Variants in TTC23L observed in about 807,000 individuals in gnomAD.
TTC23L encodes the protein tetratricopeptide repeat domain 23 like, also known as tetratricopeptide repeat protein 23-like.
TTC23L carries 42 observed loss-of-function variants against 48.1 expected under a neutral mutation model. The ratio of observed to expected loss-of-function variants is 0.87; its 90% CI spans 0.68 to 1.13. The LOEUF (loss-of-function observed/expected upper bound fraction) is 1.13. Among genes scored for constraint, TTC23L ranks in the 50% most tolerant of loss-of-function variants. TTC23L has a pLI of 0.00. For missense variants in TTC23L, 391 were observed against 421.0 expected, an observed-to-expected ratio of 0.93 and a Z score of 0.62; for synonymous variants, 159 against 157.2, an observed-to-expected ratio of 1.01 and a Z score of -0.09.
At chr5:34,888,582 T>C in intron 9 of TTC23L, 1 of 924,810 alleles carries the variant, frequency 1.1e-6, no homozygotes. Flanking sequence ...AATGTGGATA[T>C]ATGCATGGCA....
At chr5:34,862,067 A>G (rs1030328687) in intron 4 of TTC23L, among the ~76,000 whole-genome samples, 1 of 152,148 alleles carries the variant, frequency 6.6e-6, no homozygotes, top group African/African-American at 2.4e-5. Flanking sequence ...AGGGTTTTGT[A>G]TGTAGCAGAG....
At chr5:34,840,245 G>GGGC (rs1561113646) in intron 1 of TTC23L, among the ~76,000 whole-genome samples, 1 of 143,020 alleles carries the variant, frequency 7.0e-6, no homozygotes, top group African/African-American at 2.6e-5. Context: ...CCCGGGGGGG[G>GGGC]GGGGGAAAGC....
chr5:34,847,013 G>C (rs758021357), intron 3 of TTC23L, among the ~76,000 whole-genome samples: 1 of 152,084 alleles, frequency 6.6e-6, no homozygotes, highest in Non-Finnish European at 1.5e-5. Context: ...ACAGCAAGAC[G>C]TCGACTCTCA....
At chr5:34,870,913 T>A (rs1412379820) in intron 8 of TTC23L, among the ~76,000 whole-genome samples, 1 of 152,202 alleles carries the variant, frequency 6.6e-6, no homozygotes, top group Admixed American at 6.5e-5. Context: ...AGAAAAAGCA[T>A]GTGACAATAT....
exon 5 of TTC23L, chr5:34,862,923 T>C (rs1284144107): frequency 6.2e-7 from 1 of 1,613,850 alleles, no homozygotes; most frequent in East Asian, 2.2e-5. Context: ...CCAAGAAACA[T>C]GCTACATCAG....
chr5:34,902,951 CAAT>C (rs34902386), downstream of TTC23L, among the ~76,000 whole-genome samples: 33,570 of 150,128 alleles, frequency 0.22, 4,417 homozygotes, highest in East Asian at 0.36. Context: ...AGCTCTTCAA[CAAT>C]GACTGACATT....
rs336458 is a variant in TTC23L, at chr5:34,881,997, G to A, written c.1077+1689G>A. Among the ~76,000 whole-genome samples the A allele has an allele frequency of 2.1e-3, 318 of 152,130 alleles. 4 individuals are homozygous for A. The highest frequency in any genetic ancestry group is 7.4e-3 in the African/African-American group (309 of 41,498). On this transcript the variant is annotated intron_variant, in intron 9 of 10. Coordinates refer to ENST00000505624, the Ensembl canonical transcript of TTC23L. The stretch of plus-strand genomic sequence containing the variant: ...TCTCGAACTCCCACCTCAAGTGACC[G>A]CCCGCCTCGGCCTCCCAAAGTGCTA...
downstream of TTC23L, among the ~76,000 whole-genome samples, chr5:34,901,443 C>G (rs991277716): frequency 7.2e-5 from 11 of 152,152 alleles, no homozygotes; most frequent in African/African-American, 2.7e-4. Flanking sequence ...TGTTCAAAGT[C>G]AGAAAGGACC....
intron 9 of TTC23L, among the ~76,000 whole-genome samples, chr5:34,886,557 T>G (rs1561154727): frequency 6.6e-6 from 1 of 152,144 alleles, no homozygotes; most frequent in African/African-American, 2.4e-5. Context: ...AGGCGACTTT[T>G]GGCTGGTTTC....
At chr5:34,923,695 CTG>C in the TTC23L span, among the ~76,000 whole-genome samples, 2 of 152,198 alleles carry the variant, frequency 1.3e-5, no homozygotes, top group Non-Finnish European at 2.9e-5. Flanking sequence ...TTGTGAGCCA[CTG>C]TGCCTGGTCA....
intron 4 of TTC23L, among the ~76,000 whole-genome samples, chr5:34,851,685 C>T (rs758925785): frequency 6.6e-6 from 1 of 152,204 alleles, no homozygotes; most frequent in Admixed American, 6.5e-5. Flanking sequence ...AGTGGCGTTC[C>T]GTGCTTCCTT....
the TTC23L span, chr5:34,922,362 TC>T: frequency 9.9e-7 from 1 of 1,009,170 alleles, no homozygotes; most frequent in Middle Eastern, 2.2e-4. Context: ...TGTTATAGAC[TC>T]CTAGTGTTTC....
chr5:34,921,913 A>C, the TTC23L span: 3 of 169,814 alleles, frequency 1.8e-5, no homozygotes, highest in East Asian at 3.1e-4. Flanking sequence ...ATCGCAAAAA[A>C]AAAAAAAAAA....
At chr5:34,860,107 A>G (rs897692745) in intron 4 of TTC23L, among the ~76,000 whole-genome samples, 1 of 151,996 alleles carries the variant, frequency 6.6e-6, no homozygotes, top group Non-Finnish European at 1.5e-5. Context: ...TCGGCCTCCC[A>G]AAGTGCTGGG....
the TTC23L span, chr5:34,916,065 A>T: frequency 4.0e-6 from 3 of 741,568 alleles, no homozygotes; most frequent in Middle Eastern, 3.9e-4. Flanking sequence ...TTTGCAGCTA[A>T]TCCTTGTGCA....
At chr5:34,892,546 T>C (rs1311590429) in intron 9 of TTC23L, among the ~76,000 whole-genome samples, 1 of 152,144 alleles carries the variant, frequency 6.6e-6, no homozygotes, top group Non-Finnish European at 1.5e-5. Flanking sequence ...AAAACAGACA[T>C]GTATGACCAG....
At chr5:34,853,020 C>T (rs1161460260) in intron 4 of TTC23L, among the ~76,000 whole-genome samples, 5 of 152,200 alleles carry the variant, frequency 3.3e-5, no homozygotes, top group Admixed American at 2.6e-4. Flanking sequence ...TTACCTCCCA[C>T]TGGGACCCTC....
chr5:34,916,028 A>G, the TTC23L span: 13 of 1,087,036 alleles, frequency 1.2e-5, no homozygotes, highest in South Asian at 8.9e-5. Context: ...GGTTTTAGCA[A>G]TTCTCCCGGC....
At chr5:34,894,049 A>T (rs929877293) in intron 9 of TTC23L, among the ~76,000 whole-genome samples, 1 of 151,742 alleles carries the variant, frequency 6.6e-6, no homozygotes, top group South Asian at 2.1e-4. Context: ...CCTTCTCAAT[A>T]CTCTATTTAT....
Sources: gnomAD v4.1 joint callset for allele counts (sites outside exome capture counted in the v4.1 genomes callset) on GRCh38, gnomAD v4.1.1 for gene constraint, MANE v1.5 for transcripts, NCBI Gene and HGNC (gene_info 2026-07-23, HGNC 2026-07-21) for gene names.